The following ABHD2 variants were observed in gnomAD, a reference collection of about 807,000 sequenced individuals.
ABHD2 encodes abhydrolase domain containing 2, acylglycerol lipase.
In ABHD2, 20 loss-of-function variants were observed where a neutral mutation model predicts 48.1. The observed-to-expected ratio is 0.42, with a 90% confidence interval of 0.29 to 0.60. The LOEUF (loss-of-function observed/expected upper bound fraction) is 0.60. ABHD2 is among the 20% of genes least tolerant of loss of function. ABHD2 has a pLI of 0.24. For missense variants in ABHD2, 405 were observed against 550.9 expected, an observed-to-expected ratio of 0.74 and a Z score of 2.65; for synonymous variants, 209 against 214.2, an observed-to-expected ratio of 0.98 and a Z score of 0.21.
chr15:89,134,273 A>G (rs2050267828), intron 3 of ABHD2, among the ~76,000 whole-genome samples: 2 of 152,330 alleles, frequency 1.3e-5, no homozygotes, highest in African/African-American at 4.8e-5. Context: ...CTTCTAGCAT[A>G]TGAATGATTT....
In ABHD2 at chr15:89,185,721, C is replaced by A. The variant is rs1323026209; in HGVS notation, c.815+205C>A. Among the ~76,000 whole-genome samples the A allele has an allele frequency of 1.3e-5, 2 of 152,204 alleles. No homozygotes were observed. Among genetic ancestry groups the A allele is most frequent in the African/African-American group, 4.8e-5 (2 of 41,456 alleles). On this transcript the variant is annotated intron_variant, in intron 7 of 10. Transcript: ENST00000352732. The surrounding 1 kb of genome is among the most constrained non-coding windows in gnomAD (Gnocchi z 5.9). The stretch of plus-strand genomic sequence containing the variant: ...CGGTGGCTCACGCCTGTAACCCCAG[C>A]ACTTTGGGAAGCTGAGGCGGGCAGA...
At chr15:89,057,204 G>T in the ABHD2 span, among the ~76,000 whole-genome samples, 1 of 152,172 alleles carries the variant, frequency 6.6e-6, no homozygotes, top group Non-Finnish European at 1.5e-5. Context: ...ATGAGCCACT[G>T]CGCTAGGCCA....
the ABHD2 span, among the ~76,000 whole-genome samples, chr15:89,051,336 A>G: frequency 1.3e-5 from 2 of 152,184 alleles, no homozygotes; most frequent in South Asian, 2.1e-4. Context: ...GAAGGATACA[A>G]AGATGTGGGA....
At position 89,168,112 on chromosome 15, in the gene ABHD2, G is replaced by A. The variant is rs1198815675; in HGVS notation, c.539-7700G>A. Reference sequence around the variant, plus strand: ...TATTTTAGCCTATTTAGTCATGCTAGTGTCATTTGGGGAAGTGGCTGTTGA... The same window carrying A: ...TATTTTAGCCTATTTAGTCATGCTAATGTCATTTGGGGAAGTGGCTGTTGA... On this transcript the variant is annotated intron_variant, in intron 5 of 10. Transcript: ENST00000352732. The surrounding 1 kb of genome is among the most constrained non-coding windows in gnomAD (Gnocchi z 4.8). Among the ~76,000 whole-genome samples the A allele has an allele frequency of 6.6e-6, 1 of 152,200 alleles. No homozygotes were observed. Among genetic ancestry groups the A allele is most frequent in the African/African-American group, 2.4e-5 (1 of 41,440 alleles).
At chr15:89,101,640 C>A (rs1352931353) in intron 1 of ABHD2, among the ~76,000 whole-genome samples, 2 of 152,166 alleles carry the variant, frequency 1.3e-5, no homozygotes, top group Non-Finnish European at 2.9e-5. Flanking sequence ...GAACCCCCAA[C>A]AGAGATGAAA....
rs779688066 is a variant in ABHD2, at chr15:89,137,480, T to C, written c.195-14197T>C. On this transcript the variant is annotated intron_variant, in intron 3 of 10. Coordinates refer to ENST00000352732, the MANE Select transcript of ABHD2 (RefSeq NM_152924.5). This position sits in a 1 kb window ranked among gnomAD's most constrained non-coding sequence, Gnocchi z 4.8. ...TTCATATTTTATAGTTTGCACGATA[T>C]GCACAAAGGTCACAGATGTACCAGC... Among the ~76,000 whole-genome samples the C allele has an allele frequency of 1.3e-5, 2 of 152,222 alleles. No homozygotes were observed. Among genetic ancestry groups the C allele is most frequent in the Non-Finnish European group, 2.9e-5 (2 of 68,042 alleles).
At position 89,155,250 on chromosome 15, in the gene ABHD2, G is replaced by C. The variant is rs1384195076; in HGVS notation, c.371-117G>C. The C allele has an allele frequency of 3.7e-5, 43 of 1,161,352 alleles. No homozygotes were observed. The East Asian group carries it at 1.0e-3, about 27-fold the overall frequency. The allele number at this position is 1,161,352 out of a possible 1,614,324, so 71.9% of individuals were successfully genotyped here. A position where few individuals can be genotyped will look rare whatever the true frequency, so the allele number is the denominator to read the frequency against. Reference sequence around the variant, plus strand: ...GAAAAATTCTTCCCCAGAGAACTGAGTGAAAGATGTATGTTGAATTCCCTC... The same window carrying C: ...GAAAAATTCTTCCCCAGAGAACTGACTGAAAGATGTATGTTGAATTCCCTC... On this transcript the variant is annotated intron_variant, in intron 4 of 10. Transcript: ENST00000352732. This position sits in a 1 kb window ranked among gnomAD's most constrained non-coding sequence, Gnocchi z 4.9.
chr15:89,138,361 A>T (rs953120507), intron 3 of ABHD2, among the ~76,000 whole-genome samples: 1 of 152,190 alleles, frequency 6.6e-6, no homozygotes, highest in East Asian at 1.9e-4. Flanking sequence ...CTCACCCATG[A>T]AAGTAGGGTA....
Position 89,189,745 on chromosome 15 carries a change from C to T in ABHD2, c.927-1335C>T, listed in dbSNP as rs979884855. Among the ~76,000 whole-genome samples the T allele has an allele frequency of 7.9e-5, 12 of 152,148 alleles. No homozygotes were observed. Among genetic ancestry groups the T allele is most frequent in the African/African-American group, 2.9e-4 (12 of 41,426 alleles). On this transcript the variant is annotated intron_variant, in intron 8 of 10. Transcript: ENST00000352732. This position sits in a 1 kb window ranked among gnomAD's most constrained non-coding sequence, Gnocchi z 4.9. The stretch of plus-strand genomic sequence containing the variant: ...AGGTGAAAAATGAATCTTACCCACC[C>T]TCACTTCAGATGAAGTGTGTGACTG...
chr15:89,161,489 C>T (rs2050761050), intron 5 of ABHD2, among the ~76,000 whole-genome samples: 1 of 152,198 alleles, frequency 6.6e-6, no homozygotes, highest in Admixed American at 6.5e-5. Flanking sequence ...CAACCTCTGC[C>T]TCCCAGGTTC....
the ABHD2 span, among the ~76,000 whole-genome samples, chr15:89,068,754 C>CTTATTTTTTTTT: frequency 1.4e-5 from 1 of 71,354 alleles, no homozygotes; most frequent in Non-Finnish European, 2.4e-5. Flanking sequence ...CAAGCTTCCT[C>CTTATTTTTTTTT]TTTTTTTTTT....
chr15:89,074,837 T>C, the ABHD2 span, among the ~76,000 whole-genome samples: 1 of 152,214 alleles, frequency 6.6e-6, no homozygotes, highest in Non-Finnish European at 1.5e-5. Flanking sequence ...TTTTAAAATA[T>C]GCTGAACTCC....
At chr15:89,059,474 C>T in the ABHD2 span, among the ~76,000 whole-genome samples, 1 of 152,160 alleles carries the variant, frequency 6.6e-6, no homozygotes, top group Non-Finnish European at 1.5e-5. Flanking sequence ...TCATTGGTCA[C>T]AACTCATAAC....
intron 3 of ABHD2, among the ~76,000 whole-genome samples, chr15:89,131,242 G>A (rs2050214818): frequency 6.6e-6 from 1 of 152,170 alleles, no homozygotes; most frequent in Non-Finnish European, 1.5e-5. Flanking sequence ...TTGTGTTCTA[G>A]ACACATCAGA....
At chr15:89,170,891 G>A (rs2050915637) in intron 5 of ABHD2, among the ~76,000 whole-genome samples, 1 of 152,160 alleles carries the variant, frequency 6.6e-6, no homozygotes. Flanking sequence ...GCCGAGGGGG[G>A]CGGATCACAA....
rs1348724992 is a variant in ABHD2, at chr15:89,168,835, A to G, written c.539-6977A>G. Among the ~76,000 whole-genome samples the G allele has an allele frequency of 6.6e-6, 1 of 152,188 alleles. No individual in the cohort carries two copies. Among genetic ancestry groups the G allele is most frequent in the Non-Finnish European group, 1.5e-5 (1 of 68,028 alleles). On this transcript the variant is annotated intron_variant, in intron 5 of 10. Transcript: ENST00000352732. The surrounding 1 kb of genome is among the most constrained non-coding windows in gnomAD (Gnocchi z 4.8). ...ACCTGTAATCTCAGCACTTTGGGAA[A>G]GGAAGCCAAGGTGGGCAGACCTCTT...
At chr15:89,105,178 C>G (rs527905382) in intron 1 of ABHD2, among the ~76,000 whole-genome samples, 31 of 152,318 alleles carry the variant, frequency 2.0e-4, no homozygotes, top group African/African-American at 6.7e-4. Flanking sequence ...ATTCTTTCAG[C>G]AGGGTTATTT....
At chr15:89,153,466 T>C (rs2050624444) in intron 4 of ABHD2, among the ~76,000 whole-genome samples, 1 of 152,218 alleles carries the variant, frequency 6.6e-6, no homozygotes, top group African/African-American at 2.4e-5. Context: ...TTTTTCTTCT[T>C]CTACCACTAA....
chr15:89,051,098 T>C, the ABHD2 span, among the ~76,000 whole-genome samples: 1 of 152,122 alleles, frequency 6.6e-6, no homozygotes, highest in Non-Finnish European at 1.5e-5. Context: ...CTGGGCGTGG[T>C]GGTGCGCGCC....
Sources: allele counts gnomAD v4.1 joint callset (sites outside exome capture counted in the v4.1 genomes callset), GRCh38; gene constraint gnomAD v4.1.1; non-coding constraint Gnocchi (gnomAD v3.1); transcripts MANE v1.5; gene names NCBI Gene and HGNC (gene_info 2026-07-23, HGNC 2026-07-21).